The following PLCH2 variants were observed in gnomAD, a reference collection of about 807,000 sequenced individuals.
PLCH2 encodes phospholipase C eta 2.
In PLCH2, 98 loss-of-function variants were observed where a neutral mutation model predicts 134.7. The observed-to-expected ratio is 0.73, with a 90% CI of 0.62 to 0.86. The LOEUF is 0.86. PLCH2 is among the 40% of genes least tolerant of loss of function. The pLI is 0.00. For synonymous variants in PLCH2, 974 were observed against 827.5 expected (o/e 1.18, Z -3.04); for missense variants, 1,994 against 1,986.6 (o/e 1.00, Z -0.07).
chr1:2,434,332 A>G (rs1639221580), intron 2 of PLCH2, among the ~76,000 whole-genome samples: 1 of 151,972 alleles, frequency 6.6e-6, no homozygotes, highest in Non-Finnish European at 1.5e-5. Flanking sequence ...GCCGTTTACA[A>G]CCTGGGAAGG....
chr1:2,503,086 G>T, intron 21 of PLCH2: 1 of 699,764 alleles, frequency 1.4e-6, no homozygotes. Context: ...GTGGCCCATA[G>T]CCCCAGCCCT....
At position 2,499,638 on chromosome 1, in the gene PLCH2, C is replaced by A. The variant is rs1205696141; in HGVS notation, c.2582-3C>A. On this transcript the variant is annotated splice_region_variant and splice_polypyrimidine_tract_variant and intron_variant, in intron 19 of 21. Coordinates refer to ENST00000378486, the MANE Select transcript of PLCH2 (RefSeq NM_014638.4). ...ATGACCCTGCTGACCCACACTGCTC[C>A]AGGCTACAGACACGTGTACCTAGAA... The A allele has an allele frequency of 5.6e-6, 9 of 1,596,626 alleles. No homozygotes were observed. Among genetic ancestry groups the A allele is most frequent in the Non-Finnish European group, 7.7e-6 (9 of 1,171,876 alleles).
At chr1:2,499,751 T>G in intron 20 of PLCH2, 31 bp downstream of exon 20, 2 of 1,504,322 alleles carry the variant, frequency 1.3e-6, no homozygotes, top group Non-Finnish European at 1.8e-6. Flanking sequence ...CCAGCCATCA[T>G]GGGGAGGGGC....
chr1:2,442,395 C>T (rs980141815), intron 2 of PLCH2, among the ~76,000 whole-genome samples: 1 of 152,178 alleles, frequency 6.6e-6, no homozygotes, highest in African/African-American at 2.4e-5. Flanking sequence ...GAAACTCCGG[C>T]AACACTGGTC....
At chr1:2,483,757 C>CCCCGTGTGGGGGGCGTTGACG (rs138594264) in intron 4 of PLCH2, among the ~76,000 whole-genome samples, 6 of 96,036 alleles carry the variant, frequency 6.2e-5, no homozygotes, top group Non-Finnish European at 1.1e-4. Flanking sequence ...TGTTGTTGAC[C>CCCCGTGTGGGGGGCGTTGACG]CCCGTTTGGG....
upstream of PLCH2, among the ~76,000 whole-genome samples, chr1:2,464,087 G>A (rs1228369867): frequency 9.9e-5 from 15 of 152,260 alleles, no homozygotes; most frequent in African/African-American, 3.4e-4. Context: ...GCTGGTTGCG[G>A]GTGTGACCAG....
upstream of PLCH2, among the ~76,000 whole-genome samples, chr1:2,474,359 A>C (rs993492914): frequency 6.6e-6 from 1 of 151,490 alleles, no homozygotes; most frequent in Non-Finnish European, 1.5e-5. Context: ...ACCTCAGGGC[A>C]GGCAGGGCAG....
At chr1:2,487,130 T>G in intron 6 of PLCH2, 43 bp from the exon 7 acceptor site, 1 of 1,526,300 alleles carries the variant, frequency 6.6e-7, no homozygotes, top group Non-Finnish European at 8.9e-7. Flanking sequence ...GAGACGAGGC[T>G]GGTGGTGGGC....
intron 8 of PLCH2, 72 bp from the exon 9 acceptor site, chr1:2,489,135 C>T: frequency 7.4e-7 from 1 of 1,359,316 alleles, no homozygotes; most frequent in South Asian, 1.3e-5. Context: ...GACCTGGGAT[C>T]TTGCAGAGGT....
At chr1:2,425,724 A>G (rs898311439), upstream of PLCH2, among the ~76,000 whole-genome samples, 2 of 145,246 alleles carry the variant, frequency 1.4e-5, no homozygotes. Flanking sequence ...GAGTTTCACC[A>G]TGTTGCCCAG....
chr1:2,491,437 C>T (rs1273894926), intron 11 of PLCH2, 102 bp downstream of exon 11: 1 of 1,153,942 alleles, frequency 8.7e-7, no homozygotes. Context: ...TGCGCACTCA[C>T]ACCTGTGCAC....
At chr1:2,503,371 G>T in intron 21 of PLCH2, 1 of 584,784 alleles carries the variant, frequency 1.7e-6, no homozygotes, top group Admixed American at 3.1e-5. Context: ...AGTCTGATGT[G>T]GGCAGGTAGT....
intron 1 of PLCH2, among the ~76,000 whole-genome samples, chr1:2,427,338 C>G (rs368184871): frequency 3.2e-4 from 48 of 152,226 alleles, no homozygotes; most frequent in African/African-American, 1.0e-3. Context: ...AGGTCTGGGA[C>G]GAGTCAGGTG....
intron 7 of PLCH2, 25 bp from the exon 8 acceptor site, chr1:2,487,573 C>T: frequency 5.0e-6 from 8 of 1,604,064 alleles, no homozygotes; most frequent in Non-Finnish European, 6.8e-6. Context: ...GCCCCTGGGG[C>T]TGACCAAGGC....
Position 2,504,760 on chromosome 1 carries a change from C to T in PLCH2, c.3798C>T (p.Ala1266=), listed in dbSNP as rs751542177. The T allele has an allele frequency of 1.2e-6, 2 of 1,612,452 alleles. No homozygotes were observed. Among genetic ancestry groups the T allele is most frequent in the Non-Finnish European group, 1.7e-6 (2 of 1,179,768 alleles). The change falls in exon 22 of 22, where the codon GCC becomes GCT. Residue 1266 remains alanine (A), a synonymous_variant. Transcript: ENST00000378486. ...SLGDLTADDF[A]PSFEGGSRRL... is the part of the protein sequence containing the mutation. ...GCGACCTCACTGCTGATGACTTTGC[C>T]CCTAGCTTTGAGGGCGGCTCCCGCA...
upstream of PLCH2, among the ~76,000 whole-genome samples, chr1:2,424,579 G>A (rs960315139): frequency 2.0e-5 from 3 of 152,166 alleles, no homozygotes; most frequent in South Asian, 2.1e-4. Flanking sequence ...GGCCAGGTGC[G>A]GTGGCTCACA....
At chr1:2,481,041 CATAA>C (rs1369151323) in intron 4 of PLCH2, among the ~76,000 whole-genome samples, 6 of 152,198 alleles carry the variant, frequency 3.9e-5, no homozygotes, top group Non-Finnish European at 8.8e-5. Context: ...CATGCACGTG[CATAA>C]ATACACGCAC....
chr1:2,460,096 T>G (rs1222937602), intron 2 of PLCH2, among the ~76,000 whole-genome samples: 1 of 152,268 alleles, frequency 6.6e-6, no homozygotes. Context: ...CTTTCTGCCC[T>G]CCGGTTCCTC....
chr1:2,500,357 C>A (rs1643149883), intron 20 of PLCH2: 1 of 154,326 alleles, frequency 6.5e-6, no homozygotes, highest in African/African-American at 2.4e-5. Flanking sequence ...AGTGCTGACT[C>A]TCTCCTGCCA....
Sources: allele counts gnomAD v4.1 joint callset (sites outside exome capture counted in the v4.1 genomes callset), GRCh38; gene constraint gnomAD v4.1.1; transcripts MANE v1.5; gene names NCBI Gene and HGNC (gene_info 2026-07-23, HGNC 2026-07-21).